Variants in IFFO2 observed in about 807,000 individuals in gnomAD.
IFFO2 encodes the protein intermediate filament family orphan 2.
A neutral mutation model predicts 53.5 loss-of-function variants in IFFO2; 19 were observed. The observed-to-expected ratio is 0.36, with a 90% CI of 0.25 to 0.52. The LOEUF (loss-of-function observed/expected upper bound fraction) is 0.52. Ranked by LOEUF, IFFO2 falls within the 20% of genes least tolerant of loss-of-function variation. IFFO2 has a pLI of 0.94. For missense variants in IFFO2, 570 were observed against 727.4 expected (o/e 0.78, Z 2.49); for synonymous variants, 303 against 313.6 (o/e 0.97, Z 0.36).
Position 18,947,816 on chromosome 1 carries a change from G to A in IFFO2, c.665+7852C>T, listed in dbSNP as rs866121338. 1.3e-5 allele frequency among the ~76,000 whole-genome samples: 2 copies of A among 152,230 alleles called. No individual in the cohort carries two copies. Among genetic ancestry groups the A allele is most frequent in the Non-Finnish European group, 2.9e-5 (2 of 68,038 alleles). On this transcript the variant is annotated intron_variant, in intron 1 of 8. Coordinates refer to ENST00000455833, the MANE Select transcript of IFFO2 (RefSeq NM_001136265.2). The surrounding 1 kb of genome is among the most constrained non-coding windows in gnomAD (Gnocchi z 5.0). ...AGTGACAGCAGGGAGTCTTCCCAGC[G>A]CAGCAGCCGCCTCCTATTCTGCCAC...
At chr1:18,913,900 G>T (rs548126020) in intron 5 of IFFO2, among the ~76,000 whole-genome samples, 35 of 152,132 alleles carry the variant, frequency 2.3e-4, no homozygotes, top group Non-Finnish European at 7.4e-5. Context: ...GTGCGATCTC[G>T]GCTCACTGCA....
At chr1:18,940,422 C>A (rs550685809) in intron 1 of IFFO2, among the ~76,000 whole-genome samples, 1 of 152,272 alleles carries the variant, frequency 6.6e-6, no homozygotes, top group South Asian at 2.1e-4. Context: ...CTCTTCCAGC[C>A]CTGATTTAAC....
At chr1:18,925,740 A>G (rs1017853606) in intron 1 of IFFO2, among the ~76,000 whole-genome samples, 1 of 152,070 alleles carries the variant, frequency 6.6e-6, no homozygotes, top group Non-Finnish European at 1.5e-5. Context: ...GGAGTCAGAC[A>G]TTTATCGAAT....
At chr1:18,912,993 T>C (rs1463481584) in intron 5 of IFFO2, among the ~76,000 whole-genome samples, 1 of 152,224 alleles carries the variant, frequency 6.6e-6, no homozygotes, top group Non-Finnish European at 1.5e-5. Flanking sequence ...AGGGGAAGGC[T>C]GAGTCTGTAG....
intron 1 of IFFO2, among the ~76,000 whole-genome samples, chr1:18,930,943 G>A (rs1936367864): frequency 6.6e-6 from 1 of 152,202 alleles, no homozygotes; most frequent in South Asian, 2.1e-4. Context: ...GGCTGAGGCA[G>A]GAGGATCATT....
At chr1:18,945,747 G>A (rs1367006607) in intron 1 of IFFO2, among the ~76,000 whole-genome samples, 6 of 152,196 alleles carry the variant, frequency 3.9e-5, no homozygotes, top group South Asian at 2.1e-4. Flanking sequence ...AACGCCATTC[G>A]ATTCCTGCCC....
At chr1:18,942,166 T>G (rs1936529737) in intron 1 of IFFO2, among the ~76,000 whole-genome samples, 1 of 152,182 alleles carries the variant, frequency 6.6e-6, no homozygotes, top group Non-Finnish European at 1.5e-5. Context: ...AGGGTGTTGG[T>G]GAGCCTGACC....
At chr1:18,940,714 T>C (rs1476753037) in intron 1 of IFFO2, among the ~76,000 whole-genome samples, 7 of 152,186 alleles carry the variant, frequency 4.6e-5, no homozygotes, top group Admixed American at 1.3e-4. Context: ...TCTTTACACC[T>C]GCCCACAAGG....
chr1:18,940,615 G>A (rs960915282), intron 1 of IFFO2, among the ~76,000 whole-genome samples: 3 of 148,266 alleles, frequency 2.0e-5, no homozygotes, highest in Admixed American at 6.7e-5. Flanking sequence ...ATGGACAGAC[G>A]GACGGACAGA....
rs1195967794 is a variant in IFFO2, at chr1:18,925,917, G to A, written c.666-4796C>T. On this transcript the variant is annotated intron_variant, in intron 1 of 8. Coordinates refer to ENST00000455833, the MANE Select transcript of IFFO2 (RefSeq NM_001136265.2). ...GATTGGATGGATTGGTTGGATGGATGGATGGATGGATGGATGGTTGGATGG... is the reference window on the plus strand; with the variant it reads ...GATTGGATGGATTGGTTGGATGGATAGATGGATGGATGGATGGTTGGATGG... Among the ~76,000 whole-genome samples the A allele has an allele frequency of 2.3e-4, 23 of 99,764 alleles. 6 individuals carry two copies. The highest frequency in any genetic ancestry group is 6.6e-4 in the East Asian group (2 of 3,016). The allele number at this position is 99,764 out of a possible 152,430, so 65.4% of individuals were successfully genotyped here.
chr1:18,910,375 G>C lies in IFFO2; in HGVS notation c.1415C>G (p.Thr472Ser). The C allele has an allele frequency of 1.2e-6, 2 of 1,613,502 alleles. No homozygotes were observed. The highest frequency in any genetic ancestry group is 1.7e-6 in the Non-Finnish European group (2 of 1,179,700). ...GGAGCCTTTGATGAGCCGGCGGCAG[G>C]TCTCCATCTGCACGTCCAGGCCTCG... is the stretch of plus-strand genomic sequence containing the variant. Reference protein sequence around the residue: ...MKRGLDVQMETCRRLIKGSAD... With the variant: ...MKRGLDVQMESCRRLIKGSAD... Residue 472 changes from threonine (T) to serine (S), a missense_variant, in exon 8 of 9, where the codon ACC becomes AGC. Coordinates refer to ENST00000455833, the MANE Select transcript of IFFO2 (RefSeq NM_001136265.2).
chr1:18,925,857 T>C (rs61759278), intron 1 of IFFO2, among the ~76,000 whole-genome samples: 1 of 16,302 alleles, frequency 6.1e-5, no homozygotes, highest in South Asian at 2.6e-3. Flanking sequence ...GATGGATTGG[T>C]TGGATGGATG....
intron 8 of IFFO2, 65 bp from the exon 9 acceptor site, chr1:18,908,731 T>A: frequency 8.3e-7 from 1 of 1,208,468 alleles, no homozygotes; most frequent in Non-Finnish European, 1.2e-6. Context: ...GGTCAAGGAG[T>A]GGGAAGGCTG....
rs1936212143 is a variant in IFFO2 at position 18,921,232 on chromosome 1, A to C, written c.666-111T>G. The stretch of plus-strand genomic sequence containing the variant: ...GGGACTATCTTGAGCTGGGCAAGGA[A>C]GGTGCATTGGGGCATCCATCCCTGC... On this transcript the variant is annotated intron_variant, in intron 1 of 8. Transcript: ENST00000455833. 5.2e-6 allele frequency: 5 copies of C among 960,046 alleles called. No individual in the cohort carries two copies. The Admixed American group carries it at 1.0e-4, about 19-fold the overall frequency. The allele number at this position is 960,046 out of a possible 1,614,324, so 59.5% of individuals were successfully genotyped here. A position where few individuals can be genotyped will look rare whatever the true frequency, so the allele number is the denominator to read the frequency against.
Position 18,916,672 on chromosome 1 carries a change from T to G in IFFO2, c.1103+231A>C, listed in dbSNP as rs912027846. On this transcript the variant is annotated intron_variant, in intron 5 of 8. Transcript: ENST00000455833. This position sits in a 1 kb window ranked among gnomAD's most constrained non-coding sequence, Gnocchi z 4.3. ...CTCCCAACTACTTGGGAGGCTGAGA[T>G]GAAAGGATCCCTAAACCCAAGAGGT... 2.0e-5 allele frequency among the ~76,000 whole-genome samples: 3 copies of G among 151,952 alleles called. No homozygotes were observed. Among genetic ancestry groups the G allele is most frequent in the African/African-American group, 7.3e-5 (3 of 41,366 alleles).
At chr1:18,931,003 C>CTGAA (rs1936368507) in intron 1 of IFFO2, among the ~76,000 whole-genome samples, 1 of 151,964 alleles carries the variant, frequency 6.6e-6, no homozygotes, top group African/African-American at 2.4e-5. Context: ...AGATCCCATC[C>CTGAA]CTACAAAAAA....
chr1:18,930,692 A>C (rs1936364884), intron 1 of IFFO2, among the ~76,000 whole-genome samples: 1 of 152,208 alleles, frequency 6.6e-6, no homozygotes, highest in Non-Finnish European at 1.5e-5. Context: ...AAGGCATTTA[A>C]GGGTATTCAC....
At chr1:18,945,709 G>A (rs1216236544) in intron 1 of IFFO2, among the ~76,000 whole-genome samples, 1 of 152,226 alleles carries the variant, frequency 6.6e-6, no homozygotes, top group African/African-American at 2.4e-5. Flanking sequence ...CAGCCACATG[G>A]AGGGGCTTCT....
chr1:18,923,522 G>A (rs1936243511), intron 1 of IFFO2, among the ~76,000 whole-genome samples: 1 of 152,172 alleles, frequency 6.6e-6, no homozygotes, highest in South Asian at 2.1e-4. Context: ...CACACACCCG[G>A]CTCACTGCCT....
Sources: gnomAD v4.1 joint callset for allele counts (sites outside exome capture counted in the v4.1 genomes callset) on GRCh38, gnomAD v4.1.1 for gene constraint, Gnocchi (gnomAD v3.1) non-coding constraint, MANE v1.5 for transcripts, NCBI Gene and HGNC (gene_info 2026-07-23, HGNC 2026-07-21) for gene names.